The following ATCAY variants were observed in gnomAD, a reference collection of about 807,000 sequenced individuals.
The protein encoded by ATCAY is ATCAY kinesin light chain interacting caytaxin.
Under a neutral mutation model 47.7 loss-of-function variants are expected in ATCAY, and 22 were observed. The observed-to-expected ratio is 0.46, with a 90% CI of 0.33 to 0.66. ATCAY has a LOEUF of 0.66. Ranked by LOEUF, ATCAY falls within the 30% of genes least tolerant of loss-of-function variation. ATCAY has a pLI of 0.02. For missense variants in ATCAY, 452 were observed against 515.0 expected (o/e 0.88, Z 1.18); for synonymous variants, 216 against 207.6 (o/e 1.04, Z -0.35).
chr19:3,904,255 C>T (rs543447614), intron 3 of ATCAY, among the ~76,000 whole-genome samples: 6 of 152,270 alleles, frequency 3.9e-5, no homozygotes, highest in South Asian at 2.1e-4. Flanking sequence ...ACCTGGGAGG[C>T]GGAGGTTGCA....
Position 3,903,982 on chromosome 19 carries a change from CAAAAA to C in ATCAY, c.137-1435_137-1431del, listed in dbSNP as rs59631453. ...TGAAGCCCCGTCTCTACTAAAGATACAAAAAAAAAAAAAAAAAAAAATTAGCCGGG... is the reference window on the plus strand; with the variant it reads ...TGAAGCCCCGTCTCTACTAAAGATACAAAAAAAAAAAAAAAATTAGCCGGG... On this transcript the variant is annotated intron_variant, in intron 3 of 12. Coordinates refer to ENST00000450849, the MANE Select transcript of ATCAY (RefSeq NM_033064.5). Among the ~76,000 whole-genome samples, 31 of 79,042 alleles carry C rather than the reference CAAAAA, an allele frequency of 3.9e-4. 1 individual carries two copies. The highest frequency in any genetic ancestry group is 2.5e-3 in the South Asian group (6 of 2,406). 51.9% of individuals were successfully genotyped at this position (79,042 alleles called of 152,430 possible). A position where few individuals can be genotyped will look rare whatever the true frequency, so the allele number is the denominator to read the frequency against.
intron 9 of ATCAY, among the ~76,000 whole-genome samples, chr19:3,914,889 G>A (rs1444905828): frequency 2.0e-5 from 3 of 151,114 alleles, no homozygotes; most frequent in African/African-American, 4.9e-5. Flanking sequence ...CCCCCCCACC[G>A]GGTCCCCCTG....
intron 2 of ATCAY, among the ~76,000 whole-genome samples, chr19:3,887,487 A>G (rs1364720222): frequency 6.7e-6 from 1 of 149,852 alleles, no homozygotes; most frequent in Non-Finnish European, 1.5e-5. Context: ...TATTTTATTT[A>G]TTTATTTATT....
intron 8 of ATCAY, among the ~76,000 whole-genome samples, chr19:3,911,797 A>G (rs2038924470): frequency 6.6e-6 from 1 of 152,180 alleles, no homozygotes; most frequent in Non-Finnish European, 1.5e-5. Context: ...CAAATCTGGG[A>G]TGAGCGAAAG....
chr19:3,906,739 A>C (rs1008892261), intron 4 of ATCAY, among the ~76,000 whole-genome samples: 2 of 152,152 alleles, frequency 1.3e-5, no homozygotes, highest in South Asian at 4.2e-4. Context: ...CTTTTTGACC[A>C]TTTACTCCAG....
intron 1 of ATCAY, among the ~76,000 whole-genome samples, chr19:3,883,928 T>C (rs1217598322): frequency 6.6e-6 from 1 of 152,062 alleles, no homozygotes; most frequent in Admixed American, 6.6e-5. Flanking sequence ...GCTCTGATCC[T>C]GGCCCCCACC....
rs371522058 is a variant in ATCAY, at chr19:3,924,574, C to T, written c.1107-9C>T. 3 of 1,613,790 alleles carry T rather than the reference C, an allele frequency of 1.9e-6. No homozygotes were observed. The highest frequency in any genetic ancestry group is 2.7e-5 in the African/African-American group (2 of 75,000). Reference sequence around the variant, plus strand: ...AGCAATAACTTGGCCTGTGTCTTTCCCTCCCTAGCATGTCCTGAGGCGACG... The same window carrying T: ...AGCAATAACTTGGCCTGTGTCTTTCTCTCCCTAGCATGTCCTGAGGCGACG... On this transcript the variant is annotated splice_polypyrimidine_tract_variant and intron_variant, in intron 12 of 12. Coordinates refer to ENST00000450849, the MANE Select transcript of ATCAY (RefSeq NM_033064.5).
At chr19:3,915,957 T>C (rs921190353) in intron 9 of ATCAY, among the ~76,000 whole-genome samples, 7 of 152,056 alleles carry the variant, frequency 4.6e-5, no homozygotes, top group Non-Finnish European at 1.0e-4. Flanking sequence ...CACAAAGTGC[T>C]GGGATTACAG....
chr19:3,911,799 G>A (rs1007974927), intron 8 of ATCAY, among the ~76,000 whole-genome samples: 1 of 152,140 alleles, frequency 6.6e-6, no homozygotes. Context: ...AATCTGGGAT[G>A]AGCGAAAGAG....
At chr19:3,892,788 A>G (rs931510249) in intron 2 of ATCAY, among the ~76,000 whole-genome samples, 1 of 151,966 alleles carries the variant, frequency 6.6e-6, no homozygotes, top group Non-Finnish European at 1.5e-5. Flanking sequence ...GGCACCTGTA[A>G]TCCCAGCTAC....
intron 5 of ATCAY, 99 bp from the exon 6 acceptor site, chr19:3,908,169 C>T: frequency 8.7e-7 from 1 of 1,148,520 alleles, no homozygotes; most frequent in Non-Finnish European, 1.3e-6. Flanking sequence ...GCCATGCCCT[C>T]CCGAGCGTGT....
intron 6 of ATCAY, among the ~76,000 whole-genome samples, chr19:3,908,722 C>CTCCCCCTCT (rs2038891293): frequency 1.9e-5 from 1 of 53,376 alleles, no homozygotes; most frequent in East Asian, 7.4e-4. Context: ...TCTCCTCCTC[C>CTCCCCCTCT]TCCCCTTCCC....
chr19:3,885,934 T>A, intron 2 of ATCAY, 90 bp downstream of exon 2: 1 of 1,331,624 alleles, frequency 7.5e-7, no homozygotes. Flanking sequence ...TCTCTCTAAG[T>A]GGGAACCGCC....
At chr19:3,911,014 T>A (rs4807528) in intron 8 of ATCAY, 125 bp downstream of exon 8, 548,001 of 1,014,072 alleles carry the variant, frequency 0.54, 157,551 homozygotes, top group East Asian at 0.94. Context: ...TGTGTGTGCA[T>A]CCATGTGTGT....
In ATCAY at chr19:3,905,528, G is replaced by T. The variant is rs776848062; in HGVS notation, c.231G>T (p.Gly77=). Residue 77 remains glycine, a synonymous_variant, in exon 4 of 13, where the codon GGG becomes GGT. Coordinates refer to ENST00000450849, the MANE Select transcript of ATCAY (RefSeq NM_033064.5). ...ACATTTCTCTGGATCAGAGTGAGGG[G>T]TCCCTGCTGTCCGATGACTTCTTGG... ...EINISLDQSE[G]SLLSDDFLDT... is the part of the protein sequence containing the mutation. 13 of 1,613,950 alleles carry T rather than the reference G, an allele frequency of 8.1e-6. No homozygotes were observed. The Admixed American group carries it at 2.2e-4, about 27-fold the overall frequency.
intron 1 of ATCAY, among the ~76,000 whole-genome samples, chr19:3,883,751 G>A (rs953666483): frequency 6.6e-6 from 1 of 152,178 alleles, no homozygotes; most frequent in Non-Finnish European, 1.5e-5. Flanking sequence ...AACAGATGGG[G>A]TTGGTTGAGT....
In ATCAY at chr19:3,924,887, G is replaced by A; in HGVS notation, c.*295G>A. The stretch of plus-strand genomic sequence containing the variant: ...GCCGAGGAAGGCAAGAAGCGCAGGG[G>A]GTGGCCCGCGTGGCGTCGGTGGCCT... On this transcript the variant is annotated 3_prime_UTR_variant, in exon 13 of 13. Coordinates refer to ENST00000450849, the MANE Select transcript of ATCAY (RefSeq NM_033064.5). 2.5e-6 allele frequency: 1 copy of A among 406,864 alleles called. No individual in the cohort carries two copies. The highest frequency in any genetic ancestry group is 4.5e-6 in the Non-Finnish European group (1 of 223,228). 25.2% of individuals were successfully genotyped at this position (406,864 alleles called of 1,614,324 possible).
In ATCAY at chr19:3,921,908, A is replaced by C. The variant is rs562892525; in HGVS notation, c.1106+1110A>C. On this transcript the variant is annotated intron_variant, in intron 12 of 12. Coordinates refer to ENST00000450849, the MANE Select transcript of ATCAY (RefSeq NM_033064.5). The stretch of plus-strand genomic sequence containing the variant: ...CAAGACTCTGTTTAAAAAAAAAAAA[A>C]CAAAAAAACAAAAAACTTAACAAAA... Among the ~76,000 whole-genome samples the C allele has an allele frequency of 2.5e-3, 379 of 151,424 alleles. 4 individuals are homozygous for C. Among genetic ancestry groups the C allele is most frequent in the African/African-American group, 8.8e-3 (364 of 41,274 alleles).
intron 2 of ATCAY, among the ~76,000 whole-genome samples, chr19:3,891,856 TTTTC>T (rs1176936763): frequency 6.6e-6 from 1 of 151,994 alleles, no homozygotes; most frequent in Non-Finnish European, 1.5e-5. Context: ...GCTTGTAACT[TTTTC>T]TTTGTTTGTT....
Sources: gnomAD v4.1 joint callset for allele counts (sites outside exome capture counted in the v4.1 genomes callset) on GRCh38, gnomAD v4.1.1 for gene constraint, MANE v1.5 for transcripts, NCBI Gene and HGNC (gene_info 2026-07-23, HGNC 2026-07-21) for gene names.